Variants in LHFPL6 observed in about 807,000 individuals in gnomAD.
LHFPL6 encodes the protein LHFPL tetraspan subfamily member 6.
In LHFPL6, 9 loss-of-function variants were observed where a neutral mutation model predicts 20.6. The ratio of observed to expected loss-of-function variants is 0.44; its 90% CI spans 0.26 to 0.76. LHFPL6 has a LOEUF of 0.76. LHFPL6 is among the 30% of genes least tolerant of loss of function. The pLI is 0.20. For missense variants in LHFPL6, 218 were observed against 253.5 expected, an observed-to-expected ratio of 0.86 and a Z score of 0.95; for synonymous variants, 105 against 98.7, an observed-to-expected ratio of 1.06 and a Z score of -0.38.
intron 2 of LHFPL6, among the ~76,000 whole-genome samples, chr13:39,561,343 T>C (rs550667219): frequency 6.6e-5 from 10 of 152,252 alleles, no homozygotes; most frequent in African/African-American, 2.2e-4. Context: ...TGAGTCGTCT[T>C]CAAACCTACA....
chr13:39,533,538 G>T (rs1870528917), intron 2 of LHFPL6, among the ~76,000 whole-genome samples: 1 of 152,176 alleles, frequency 6.6e-6, no homozygotes, highest in Admixed American at 6.5e-5. Context: ...ACACTTAGCT[G>T]CAAAGGAGGC....
intron 2 of LHFPL6, among the ~76,000 whole-genome samples, chr13:39,483,679 T>C (rs1868617021): frequency 6.6e-6 from 1 of 152,026 alleles, no homozygotes; most frequent in African/African-American, 2.4e-5. Context: ...AATTTAGGAG[T>C]TTACAGAAGC....
intron 3 of LHFPL6, among the ~76,000 whole-genome samples, chr13:39,357,396 C>T (rs192336103): frequency 2.7e-4 from 41 of 152,246 alleles, no homozygotes; most frequent in African/African-American, 9.6e-4. Context: ...ACATCATACT[C>T]AATGGGCAAA....
chr13:39,364,419 C>T (rs1386929571), intron 3 of LHFPL6, among the ~76,000 whole-genome samples: 3 of 152,160 alleles, frequency 2.0e-5, no homozygotes, highest in Admixed American at 6.5e-5. Flanking sequence ...CCTGTGTCAC[C>T]CCATCCTGAA....
chr13:39,592,137 G>A (rs1271365202), intron 2 of LHFPL6, among the ~76,000 whole-genome samples: 1 of 150,316 alleles, frequency 6.7e-6, no homozygotes, highest in Admixed American at 6.6e-5. Context: ...CTGATATGGA[G>A]AACTTAGAAA....
intron 3 of LHFPL6, among the ~76,000 whole-genome samples, chr13:39,346,621 C>T (rs555516843): frequency 2.2e-4 from 33 of 152,250 alleles, no homozygotes; most frequent in African/African-American, 6.3e-4. Context: ...CCTTCTCAAA[C>T]GCCCGATCAT....
chr13:39,451,878 G>C (rs1267358179), intron 2 of LHFPL6, among the ~76,000 whole-genome samples: 1 of 152,062 alleles, frequency 6.6e-6, no homozygotes, highest in Non-Finnish European at 1.5e-5. Flanking sequence ...TCCTATCTAA[G>C]CATAGTAATA....
chr13:39,379,912 A>G (rs184379185), intron 2 of LHFPL6, among the ~76,000 whole-genome samples: 5 of 152,338 alleles, frequency 3.3e-5, no homozygotes, highest in African/African-American at 9.6e-5. Flanking sequence ...ATGAATCACT[A>G]GTCTCAGGAT....
At chr13:39,495,603 C>CT (rs57730616) in intron 2 of LHFPL6, among the ~76,000 whole-genome samples, 95 of 142,004 alleles carry the variant, frequency 6.7e-4, no homozygotes, top group African/African-American at 1.1e-3. Context: ...CCATACTAGG[C>CT]TTTTTTTTTT....
intron 3 of LHFPL6, among the ~76,000 whole-genome samples, chr13:39,346,739 C>T (rs765792888): frequency 2.4e-4 from 37 of 152,140 alleles, no homozygotes; most frequent in Non-Finnish European, 4.0e-4. Flanking sequence ...TCAATCAGAT[C>T]AAGCCATGCT....
chr13:39,562,499 T>TATACAC (rs1871543178), intron 2 of LHFPL6, among the ~76,000 whole-genome samples: 5 of 84,678 alleles, frequency 5.9e-5, no homozygotes, highest in African/African-American at 1.8e-4. Flanking sequence ...CACATATACA[T>TATACAC]ATATACATAT....
At chr13:39,596,009 T>G (rs1260242550) in intron 2 of LHFPL6, among the ~76,000 whole-genome samples, 1 of 152,172 alleles carries the variant, frequency 6.6e-6, no homozygotes, top group African/African-American at 2.4e-5. Flanking sequence ...GAAAATCCAC[T>G]GCATGCAAAC....
intron 2 of LHFPL6, among the ~76,000 whole-genome samples, chr13:39,383,246 G>T (rs4943656): frequency 6.6e-6 from 1 of 152,318 alleles, no homozygotes; most frequent in East Asian, 1.9e-4. Flanking sequence ...TCAACACTCA[G>T]TGGACAAATA....
intron 2 of LHFPL6, among the ~76,000 whole-genome samples, chr13:39,444,734 T>C (rs1158385948): frequency 6.6e-6 from 1 of 152,182 alleles, no homozygotes; most frequent in Non-Finnish European, 1.5e-5. Flanking sequence ...CATGGCAGCC[T>C]CCATCTAGGT....
At chr13:39,601,830 T>G (rs1872959955) in intron 1 of LHFPL6, among the ~76,000 whole-genome samples, 1 of 152,218 alleles carries the variant, frequency 6.6e-6, no homozygotes, top group Non-Finnish European at 1.5e-5. Context: ...AAGGGTGCAT[T>G]AACTCTCTGC....
chr13:39,394,206 T>C (rs1036750201), intron 2 of LHFPL6, among the ~76,000 whole-genome samples: 1 of 152,168 alleles, frequency 6.6e-6, no homozygotes, highest in Non-Finnish European at 1.5e-5. Flanking sequence ...TCCTAAATTG[T>C]TGGGATTACA....
intron 2 of LHFPL6, among the ~76,000 whole-genome samples, chr13:39,488,677 AT>A (rs1367583171): frequency 2.0e-5 from 3 of 152,244 alleles, no homozygotes; most frequent in Non-Finnish European, 4.4e-5. Flanking sequence ...ATTATAATGT[AT>A]TTTATAATCA....
rs79461950 is a variant in LHFPL6 at position 39,446,288 on chromosome 13, T to C, written c.386-67762A>G. 2.2e-4 allele frequency among the ~76,000 whole-genome samples: 33 copies of C among 152,276 alleles called. No homozygotes were observed. In the East Asian group the frequency reaches 6.4e-3, roughly 29 times the overall value. On this transcript the variant is annotated intron_variant, in intron 2 of 3. Transcript: ENST00000379589. ...TCTTTTGTGTATGTATCTATGAGAC[T>C]CCCATCCTCTCCTGTGCACTGTAAC... is the stretch of plus-strand genomic sequence containing the variant.
intron 2 of LHFPL6, among the ~76,000 whole-genome samples, chr13:39,572,329 T>TGA (rs1555268815): frequency 1.5e-5 from 2 of 135,662 alleles, no homozygotes; most frequent in East Asian, 4.3e-4. Flanking sequence ...TGTGTGTGTG[T>TGA]GACAGTCCCC....
Sources: allele counts gnomAD v4.1 joint callset (sites outside exome capture counted in the v4.1 genomes callset), GRCh38; gene constraint gnomAD v4.1.1; transcripts MANE v1.5; gene names NCBI Gene and HGNC (gene_info 2026-07-23, HGNC 2026-07-21).